KCNH5: variants seen among roughly 807,000 people sequenced by gnomAD.
KCNH5 encodes potassium voltage-gated channel subfamily H member 5.
KCNH5 carries 46 observed loss-of-function variants against 96.1 expected under a neutral mutation model. The ratio of observed to expected loss-of-function variants is 0.48; its 90% CI spans 0.38 to 0.61. KCNH5 has a LOEUF of 0.61. KCNH5 is among the 20% of genes least tolerant of loss of function. KCNH5 has a pLI of 0.00. For missense variants in KCNH5, 907 were observed against 1,225.8 expected (o/e 0.74, Z 3.88); for synonymous variants, 439 against 449.8 (o/e 0.98, Z 0.30).
intron 3 of KCNH5, among the ~76,000 whole-genome samples, chr14:63,004,257 C>G (rs1396175964): frequency 2.0e-5 from 3 of 152,138 alleles, no homozygotes; most frequent in Non-Finnish European, 4.4e-5. Context: ...TTTTTAAAAG[C>G]TGCATTTAAA....
chr14:63,012,688 G>A (rs557936220), intron 2 of KCNH5, among the ~76,000 whole-genome samples: 1 of 151,940 alleles, frequency 6.6e-6, no homozygotes, highest in African/African-American at 2.4e-5. Context: ...TAAATAGAAC[G>A]AAGGCTGTGA....
At chr14:62,786,621 G>A (rs996864069) in intron 9 of KCNH5, among the ~76,000 whole-genome samples, 6 of 152,096 alleles carry the variant, frequency 3.9e-5, no homozygotes, top group African/African-American at 1.4e-4. Context: ...ACCTTACTGT[G>A]CTTGGCAGGT....
chr14:62,990,255 A>G (rs1890784879), intron 4 of KCNH5, among the ~76,000 whole-genome samples: 5 of 152,092 alleles, frequency 3.3e-5, no homozygotes, highest in Admixed American at 3.3e-4. Context: ...AAGGAGAAAT[A>G]TGACAATGAA....
chr14:62,734,664 T>C (rs773236832), intron 10 of KCNH5, among the ~76,000 whole-genome samples: 1 of 152,048 alleles, frequency 6.6e-6, no homozygotes, highest in Non-Finnish European at 1.5e-5. Flanking sequence ...TAGAACACCA[T>C]ATAATCTCTC....
chr14:62,888,931 T>C (rs1888650143), intron 7 of KCNH5, among the ~76,000 whole-genome samples: 1 of 152,222 alleles, frequency 6.6e-6, no homozygotes, highest in Admixed American at 6.5e-5. Context: ...AAGAATTTCT[T>C]AGCCACAAGA....
intron 6 of KCNH5, among the ~76,000 whole-genome samples, chr14:62,961,486 T>C (rs1890203928): frequency 6.6e-6 from 1 of 152,176 alleles, no homozygotes; most frequent in South Asian, 2.1e-4. Flanking sequence ...TCTTGTTTTA[T>C]AGCATAAATA....
intron 10 of KCNH5, among the ~76,000 whole-genome samples, chr14:62,775,675 A>G (rs1227494258): frequency 6.6e-6 from 1 of 152,206 alleles, no homozygotes; most frequent in Admixed American, 6.5e-5. Flanking sequence ...ATAGGCAGCA[A>G]GTAGAATAGA....
At chr14:62,733,545 C>T (rs769115300) in intron 10 of KCNH5, among the ~76,000 whole-genome samples, 2 of 151,722 alleles carry the variant, frequency 1.3e-5, no homozygotes, top group Non-Finnish European at 2.9e-5. Flanking sequence ...GCAGCCCAAA[C>T]GAAGACATAT....
chr14:62,826,167 T>C (rs1887219757), intron 8 of KCNH5, among the ~76,000 whole-genome samples: 1 of 152,080 alleles, frequency 6.6e-6, no homozygotes, highest in South Asian at 2.1e-4. Context: ...GTCGTATTAT[T>C]TTTGTGCTAT....
chr14:62,848,439 T>C (rs1328811424), intron 8 of KCNH5, among the ~76,000 whole-genome samples: 1 of 152,188 alleles, frequency 6.6e-6, no homozygotes, highest in Non-Finnish European at 1.5e-5. Context: ...GGAAAATTTA[T>C]ACTGTATCTT....
At chr14:62,995,622 G>C (rs1890892377) in intron 4 of KCNH5, among the ~76,000 whole-genome samples, 1 of 152,054 alleles carries the variant, frequency 6.6e-6, no homozygotes. Context: ...ATGGACCTTT[G>C]TGCAGCTCAG....
chr14:62,828,179 A>G (rs1887266165), intron 8 of KCNH5, among the ~76,000 whole-genome samples: 1 of 151,970 alleles, frequency 6.6e-6, no homozygotes, highest in African/African-American at 2.4e-5. Flanking sequence ...GTATTTTAAT[A>G]TTTTAAATTC....
chr14:62,919,774 T>C (rs1258007375), intron 7 of KCNH5, among the ~76,000 whole-genome samples: 1 of 152,160 alleles, frequency 6.6e-6, no homozygotes, highest in African/African-American at 2.4e-5. Flanking sequence ...TATTATCATG[T>C]GTCACCTAAG....
intron 1 of KCNH5, among the ~76,000 whole-genome samples, chr14:63,039,955 T>C (rs931425651): frequency 2.0e-5 from 3 of 152,092 alleles, no homozygotes; most frequent in African/African-American, 7.2e-5. Flanking sequence ...TTGGTTCACC[T>C]GTGACAGAAC....
intron 8 of KCNH5, among the ~76,000 whole-genome samples, chr14:62,814,984 G>C (rs1416773611): frequency 2.0e-5 from 3 of 151,958 alleles, no homozygotes; most frequent in Non-Finnish European, 2.9e-5. Context: ...AGTGGGTATA[G>C]CATATATACA....
At chr14:62,995,422 A>G (rs75257267) in intron 4 of KCNH5, among the ~76,000 whole-genome samples, 3,100 of 152,238 alleles carry the variant, frequency 0.02, 60 homozygotes, top group East Asian at 0.062. Context: ...ACACCCTTGT[A>G]AACATCCTCA....
In KCNH5 at chr14:62,779,924, C is replaced by T. The variant is rs1265545832; in HGVS notation, c.1823G>A (p.Gly608Glu). Reference protein sequence around the residue: ...IQDDEVVAILGKGDVFGDIFW... With the variant: ...IQDDEVVAILEKGDVFGDIFW... ...GATGTCTCCAAATACATCACCCTTC[C>T]CTAGAAAACAGTATAAGATACATAT... Residue 608 changes from glycine to glutamate, a missense_variant and splice_region_variant, in exon 10 of 11, where the codon GGG (glycine) becomes GAG (glutamate). This residue lies in a region of KCNH5 where 57 missense variants were observed against 76.0 expected (regional missense o/e 0.75). Coordinates refer to ENST00000322893, the MANE Select transcript of KCNH5 (RefSeq NM_139318.5). The T allele has an allele frequency of 6.2e-7, 1 of 1,610,336 alleles. No homozygotes were observed.
chr14:62,776,053 G>A (rs947915677), intron 10 of KCNH5, among the ~76,000 whole-genome samples: 1 of 151,962 alleles, frequency 6.6e-6, no homozygotes, highest in African/African-American at 2.4e-5. Context: ...TAGATCACGA[G>A]GTCACGAGTT....
intron 8 of KCNH5, among the ~76,000 whole-genome samples, chr14:62,816,891 C>T (rs1318021997): frequency 6.6e-6 from 1 of 151,286 alleles, no homozygotes; most frequent in East Asian, 1.9e-4. Flanking sequence ...TTCAAGTTCA[C>T]AGATTCTCTC....
Sources: allele counts gnomAD v4.1 joint callset (sites outside exome capture counted in the v4.1 genomes callset), GRCh38; gene constraint gnomAD v4.1.1; regional missense constraint gnomAD v4.1.1; transcripts MANE v1.5; gene names NCBI Gene and HGNC (gene_info 2026-07-23, HGNC 2026-07-21).